ZNF385D: variants seen among roughly 807,000 people sequenced by gnomAD.
ZNF385D encodes zinc finger protein 659.
Under a neutral mutation model 35.8 loss-of-function variants are expected in ZNF385D, and 15 were observed. That is an observed-to-expected ratio of 0.42 (90% CI 0.28 to 0.64). ZNF385D has a LOEUF of 0.64. ZNF385D is among the 30% of genes least tolerant of loss of function. The pLI, the probability that ZNF385D is intolerant of heterozygous loss-of-function variation, is 0.23. For synonymous variants in ZNF385D, 212 were observed against 186.8 expected, an observed-to-expected ratio of 1.13 and a Z score of -1.10; for missense variants, 474 against 494.6, an observed-to-expected ratio of 0.96 and a Z score of 0.39.
intron 2 of ZNF385D, among the ~76,000 whole-genome samples, chr3:22,321,398 T>C (rs1350697829): frequency 1.3e-5 from 2 of 152,064 alleles, no homozygotes; most frequent in Non-Finnish European, 2.9e-5. Context: ...GGAGTTTCAC[T>C]CTTGTTGCCC....
chr3:21,852,206 G>A (rs17009807), intron 3 of ZNF385D, among the ~76,000 whole-genome samples: 7,342 of 151,910 alleles, frequency 0.048, 240 homozygotes, highest in Middle Eastern at 0.082. Flanking sequence ...TGAATTTATT[G>A]TTTCCTAAAG....
At chr3:22,000,198 A>G (rs558630263) in intron 3 of ZNF385D, among the ~76,000 whole-genome samples, 9 of 152,154 alleles carry the variant, frequency 5.9e-5, no homozygotes, top group African/African-American at 2.2e-4. Flanking sequence ...CCAGCTACTA[A>G]GGAGGCTGAG....
chr3:22,296,480 A>T (rs144301139), intron 2 of ZNF385D, among the ~76,000 whole-genome samples: 1 of 152,254 alleles, frequency 6.6e-6, no homozygotes, highest in African/African-American at 2.4e-5. Context: ...AATGCCTATG[A>T]AAGATAAAAG....
intron 2 of ZNF385D, among the ~76,000 whole-genome samples, chr3:22,221,962 A>G (rs754499557): frequency 1.1e-4 from 16 of 152,066 alleles, no homozygotes; most frequent in African/African-American, 3.9e-4. Context: ...TACTTAATAC[A>G]GAAGATTTCA....
intron 2 of ZNF385D, among the ~76,000 whole-genome samples, chr3:21,615,816 G>GTGTGTGTGTGTT (rs1375406249): frequency 5.3e-5 from 8 of 151,200 alleles, no homozygotes; most frequent in African/African-American, 2.0e-4. Context: ...GTGTGTGTGT[G>GTGTGTGTGTGTT]TTTACTGGTT....
At chr3:21,508,736 C>T (rs185819129) in intron 4 of ZNF385D, among the ~76,000 whole-genome samples, 6 of 152,244 alleles carry the variant, frequency 3.9e-5, no homozygotes, top group Non-Finnish European at 7.4e-5. Flanking sequence ...CTTCCCTAAA[C>T]TTTGTCTATA....
intron 3 of ZNF385D, among the ~76,000 whole-genome samples, chr3:22,136,568 G>GA (rs1704129486): frequency 1.3e-5 from 2 of 151,934 alleles, no homozygotes; most frequent in Admixed American, 1.3e-4. Flanking sequence ...ATAAGGGTAG[G>GA]AAAAATCCAA....
intron 1 of ZNF385D, among the ~76,000 whole-genome samples, chr3:21,707,436 G>A (rs931380448): frequency 2.0e-5 from 3 of 152,104 alleles, no homozygotes; most frequent in Admixed American, 1.3e-4. Context: ...CTTAAAATTC[G>A]AAGCAATTGT....
chr3:21,480,041 A>G (rs1704508534), intron 4 of ZNF385D, among the ~76,000 whole-genome samples: 1 of 152,104 alleles, frequency 6.6e-6, no homozygotes, highest in African/African-American at 2.4e-5. Context: ...AGTCATATAC[A>G]GAGATGGTGG....
At chr3:22,174,464 C>A (rs1287164153) in intron 2 of ZNF385D, among the ~76,000 whole-genome samples, 1 of 152,106 alleles carries the variant, frequency 6.6e-6, no homozygotes, top group Admixed American at 6.6e-5. Flanking sequence ...AAATGACTTA[C>A]AAAGTCATAC....
At chr3:21,464,088 T>C (rs1237607177) in intron 4 of ZNF385D, among the ~76,000 whole-genome samples, 2 of 152,186 alleles carry the variant, frequency 1.3e-5, no homozygotes, top group African/African-American at 2.4e-5. Flanking sequence ...CTTAAACTCA[T>C]TTAAATCTCT....
intron 2 of ZNF385D, among the ~76,000 whole-genome samples, chr3:21,618,008 C>T (rs2064897552): frequency 6.6e-6 from 1 of 152,130 alleles, no homozygotes; most frequent in African/African-American, 2.4e-5. Flanking sequence ...ATTCCTGGTA[C>T]AATTATTTCT....
intron 3 of ZNF385D, among the ~76,000 whole-genome samples, chr3:21,864,628 A>G (rs1261632814): frequency 1.3e-5 from 2 of 152,122 alleles, no homozygotes; most frequent in Admixed American, 6.6e-5. Flanking sequence ...ATCAAATATG[A>G]TCATTTTCTC....
At chr3:21,639,750 G>T (rs2065547639) in intron 2 of ZNF385D, among the ~76,000 whole-genome samples, 1 of 151,858 alleles carries the variant, frequency 6.6e-6, no homozygotes, top group South Asian at 2.1e-4. Context: ...AAAACCAATT[G>T]TGTTATAAAC....
intron 3 of ZNF385D, among the ~76,000 whole-genome samples, chr3:21,950,215 T>A (rs1436905420): frequency 1.3e-5 from 2 of 151,764 alleles, no homozygotes; most frequent in Non-Finnish European, 2.9e-5. Context: ...TTCTCCAGTA[T>A]CTGTTGTTTC....
chr3:21,650,852 T>C (rs1459814766), intron 2 of ZNF385D, among the ~76,000 whole-genome samples: 1 of 152,142 alleles, frequency 6.6e-6, no homozygotes, highest in Non-Finnish European at 1.5e-5. Flanking sequence ...ACACCTAAAC[T>C]GAGAGTTAAC....
At chr3:22,063,543 A>T (rs776935693) in intron 3 of ZNF385D, among the ~76,000 whole-genome samples, 1 of 152,206 alleles carries the variant, frequency 6.6e-6, no homozygotes, top group Admixed American at 6.5e-5. Flanking sequence ...TAAATTCTCT[A>T]AAGTCCCTAA....
chr3:22,044,077 C>T (rs963935102), intron 3 of ZNF385D, among the ~76,000 whole-genome samples: 7 of 142,068 alleles, frequency 4.9e-5, no homozygotes, highest in Middle Eastern at 3.3e-3. Context: ...AGATGAAACA[C>T]GAAACCTGGG....
chr3:21,554,774 TTA>T (rs1293646176), intron 3 of ZNF385D, among the ~76,000 whole-genome samples: 8 of 152,202 alleles, frequency 5.3e-5, no homozygotes, highest in African/African-American at 1.9e-4. Flanking sequence ...CCGTGCACGT[TTA>T]TGTTATGGAG....
Sources: allele counts gnomAD v4.1 joint callset (sites outside exome capture counted in the v4.1 genomes callset), GRCh38; gene constraint gnomAD v4.1.1; transcripts MANE v1.5; gene names NCBI Gene and HGNC (gene_info 2026-07-23, HGNC 2026-07-21).